NOL9: variants seen among roughly 807,000 people sequenced by gnomAD.
The protein encoded by NOL9 is nucleolar protein 9, also known as polynucleotide 5'-hydroxyl-kinase NOL9.
Under a neutral mutation model 67.9 loss-of-function variants are expected in NOL9, and 28 were observed. The observed-to-expected ratio is 0.41, with a 90% CI of 0.31 to 0.57. The LOEUF is 0.57. NOL9 is among the 20% of genes least tolerant of loss of function. The probability of loss-of-function intolerance (pLI) is 0.25; values close to 1 mark genes in which losing one functional copy is unlikely to be tolerated. For missense variants in NOL9, 777 were observed against 897.0 expected (o/e 0.87, Z 1.71); for synonymous variants, 356 against 352.2 (o/e 1.01, Z -0.12).
rs565570170 is a variant in NOL9 at position 6,521,546 on chromosome 1, A to G, written c.*4308T>C. ...ATGTGTAAGCTGCTTATAAAATTTT[A>G]AAAGCAACAAGTGGGGGTTTATGAA... On this transcript the variant is annotated 3_prime_UTR_variant, in exon 12 of 12. Coordinates refer to ENST00000377705, the MANE Select transcript of NOL9 (RefSeq NM_024654.5). The G allele has an allele frequency of 2.0e-5, 3 of 152,338 alleles. No homozygotes were observed. Among genetic ancestry groups the G allele is most frequent in the Non-Finnish European group, 4.4e-5 (3 of 68,030 alleles). 9.4% of individuals were successfully genotyped at this position (152,338 alleles called of 1,614,324 possible). A position where few individuals can be genotyped will look rare whatever the true frequency, so the allele number is the denominator to read the frequency against.
In NOL9 at chr1:6,522,187, T is replaced by C. The variant is rs1013889178; in HGVS notation, c.*3667A>G. ...AGTAAAACCCCATCTCTACTAAAAA[T>C]ACAAAAAAAATTAGCTAGTGTAGTG... is the stretch of plus-strand genomic sequence containing the variant. On this transcript the variant is annotated 3_prime_UTR_variant, in exon 12 of 12. Transcript: ENST00000377705. The C allele has an allele frequency of 1.3e-5, 2 of 151,676 alleles. No homozygotes were observed. The highest frequency in any genetic ancestry group is 2.4e-5 in the African/African-American group (1 of 41,272). 9.4% of individuals were successfully genotyped at this position (151,676 alleles called of 1,614,324 possible). A position where few individuals can be genotyped will look rare whatever the true frequency, so the allele number is the denominator to read the frequency against.
intron 9 of NOL9, among the ~76,000 whole-genome samples, chr1:6,530,734 C>T (rs924690807): frequency 6.6e-6 from 1 of 152,206 alleles, no homozygotes; most frequent in African/African-American, 2.4e-5. Context: ...GCCCAATGCT[C>T]AAAGCTGTAA....
At chr1:6,535,735 TG>T (rs1402484748) in intron 6 of NOL9, among the ~76,000 whole-genome samples, 1 of 152,124 alleles carries the variant, frequency 6.6e-6, no homozygotes, top group Admixed American at 6.6e-5. Flanking sequence ...GAGACCAGCC[TG>T]GCCAACATGG....
At chr1:6,542,460 G>A (rs1194115859) in intron 5 of NOL9, among the ~76,000 whole-genome samples, 2 of 65,048 alleles carry the variant, frequency 3.1e-5, no homozygotes, top group African/African-American at 7.8e-5. Flanking sequence ...ACTGAGCCCA[G>A]CTGAATTTTT....
intron 8 of NOL9, 117 bp from the exon 9 acceptor site, chr1:6,532,196 C>CCCT: frequency 1.2e-6 from 1 of 832,734 alleles, no homozygotes; most frequent in Non-Finnish European, 1.9e-6. Flanking sequence ...ACACTGCCCC[C>CCCT]CCTTGACGGA....
intron 1 of NOL9, 24 bp downstream of exon 1, chr1:6,554,083 C>A: frequency 1.3e-6 from 2 of 1,510,224 alleles, no homozygotes; most frequent in Non-Finnish European, 8.9e-7. Context: ...CCCTCGGGGA[C>A]TACTACCGGC....
intron 6 of NOL9, 39 bp from the exon 7 acceptor site, chr1:6,533,480 A>G (rs1639080761): frequency 2.0e-6 from 3 of 1,487,340 alleles, no homozygotes; most frequent in Admixed American, 4.0e-5. Flanking sequence ...GAGTAAGGTG[A>G]GTGATCAATC....
chr1:6,526,752 C>T lies in NOL9; in HGVS notation c.1903G>A (p.Val635Met), dbSNP rs200482715. 7 of 1,613,810 alleles carry T rather than the reference C, an allele frequency of 4.3e-6. No homozygotes were observed. The highest frequency in any genetic ancestry group is 5.9e-6 in the Non-Finnish European group (7 of 1,179,864). ...TPVPPEELRT[V>M]NCLLVGAIAI... ...ATAGCTCCAACGAGCAGACAATTCA[C>T]GGTCCTTAGCTCTTCCGGGGGCACA... is the stretch of plus-strand genomic sequence containing the variant. Residue 635 changes from valine to methionine, a missense_variant, in exon 11 of 12, where the codon GTG becomes ATG. Transcript: ENST00000377705.
In NOL9 at chr1:6,554,448, G is replaced by A. The variant is rs765943872; in HGVS notation, c.55C>T (p.Arg19Trp). The change falls in exon 1 of 12, where the codon CGG (arginine) becomes TGG (tryptophan). Residue 19 changes from arginine to tryptophan, a missense_variant. Transcript: ENST00000377705. ...KRGSCRSTWL[R>W]VRKARPQLIL... ...AGCTGGGGCCGGGCCTTGCGGACCCGCAGCCAAGTGGAACGGCAGGAACCC... is the reference window on the plus strand; with the variant it reads ...AGCTGGGGCCGGGCCTTGCGGACCCACAGCCAAGTGGAACGGCAGGAACCC... The A allele has an allele frequency of 9.7e-6, 15 of 1,550,936 alleles. No homozygotes were observed. The highest frequency in any genetic ancestry group is 1.1e-5 in the Non-Finnish European group (13 of 1,160,666).
intron 1 of NOL9, among the ~76,000 whole-genome samples, chr1:6,550,897 G>T (rs1639531393): frequency 6.6e-6 from 1 of 151,952 alleles, no homozygotes; most frequent in Non-Finnish European, 1.5e-5. Flanking sequence ...TGGTCAGGCT[G>T]GTCTTGAACT....
chr1:6,550,966 C>T (rs10864623), intron 1 of NOL9, among the ~76,000 whole-genome samples: 1 of 151,960 alleles, frequency 6.6e-6, no homozygotes. Context: ...TACAGGCGTG[C>T]GCCACCGCAC....
At chr1:6,531,504 C>A (rs866677295) in intron 9 of NOL9, among the ~76,000 whole-genome samples, 2 of 152,074 alleles carry the variant, frequency 1.3e-5, no homozygotes, top group Non-Finnish European at 2.9e-5. Context: ...TGAGCCACCA[C>A]GCCCGGCTAA....
chr1:6,541,010 C>CTTTTTT lies in NOL9; in HGVS notation c.1075+819_1075+820insAAAAAA, dbSNP rs1287698159. 3 of 123,092 alleles carry CTTTTTT rather than the reference C, an allele frequency of 2.4e-5. 1 individual carries two copies. Among genetic ancestry groups the CTTTTTT allele is most frequent in the African/African-American group, 3.1e-5 (1 of 32,590 alleles). The allele number at this position is 123,092 out of a possible 1,614,324, so 7.6% of individuals were successfully genotyped here. On this transcript the variant is annotated intron_variant, in intron 6 of 11. Transcript: ENST00000377705. Reference sequence around the variant, plus strand: ...ATAAAATCTGTAGACTGGTTAACAGCGTTTTTTTTTTTTTTTTTTTTTTTG... The same window carrying CTTTTTT: ...ATAAAATCTGTAGACTGGTTAACAGCTTTTTTGTTTTTTTTTTTTTTTTTTTTTTTG...
chr1:6,541,521 G>A (rs776957528), intron 6 of NOL9, among the ~76,000 whole-genome samples: 14 of 152,086 alleles, frequency 9.2e-5, no homozygotes, highest in Non-Finnish European at 1.8e-4. Flanking sequence ...TCTTAGTCTC[G>A]ATAGTTGTAC....
chr1:6,531,237 G>A (rs954232542), intron 9 of NOL9, among the ~76,000 whole-genome samples: 1 of 150,902 alleles, frequency 6.6e-6, no homozygotes, highest in Non-Finnish European at 1.5e-5. Flanking sequence ...CTTTTAAGTC[G>A]GCATCTCGCT....
intron 5 of NOL9, among the ~76,000 whole-genome samples, chr1:6,543,084 G>T (rs1000658602): frequency 2.0e-5 from 3 of 151,608 alleles, no homozygotes; most frequent in African/African-American, 7.3e-5. Context: ...TGTAGAGACA[G>T]GGTCTCATTA....
At chr1:6,537,239 A>G (rs1368915790) in intron 6 of NOL9, among the ~76,000 whole-genome samples, 1 of 152,088 alleles carries the variant, frequency 6.6e-6, no homozygotes, top group East Asian at 1.9e-4. Flanking sequence ...ATATACAAAA[A>G]TCAACTCAAA....
chr1:6,535,301 A>C (rs1639123912), intron 6 of NOL9, among the ~76,000 whole-genome samples: 1 of 152,236 alleles, frequency 6.6e-6, no homozygotes, highest in African/African-American at 2.4e-5. Flanking sequence ...ATCTCTCTCC[A>C]TGAAAAGGAG....
rs574717093 is a variant in NOL9 at position 6,528,738 on chromosome 1, G to A, written c.1825+256C>T. On this transcript the variant is annotated intron_variant, in intron 10 of 11. Transcript: ENST00000377705. ...CAGCAGTGACTGAGACAGCCTAGGG[G>A]AGAAGTGTCGAGCAAGAAGAGGAGG... 2.6e-5 allele frequency among the ~76,000 whole-genome samples: 4 copies of A among 152,354 alleles called. No homozygotes were observed. The East Asian group carries it at 7.7e-4, about 29-fold the overall frequency.
Sources: gnomAD v4.1 joint callset for allele counts (sites outside exome capture counted in the v4.1 genomes callset) on GRCh38, gnomAD v4.1.1 for gene constraint, MANE v1.5 for transcripts, NCBI Gene and HGNC (gene_info 2026-07-23, HGNC 2026-07-21) for gene names.